Variants in SLC19A1 observed in about 807,000 individuals in gnomAD.
The protein encoded by SLC19A1 is reduced folate transporter.
SLC19A1 carries 37 observed loss-of-function variants against 35.3 expected under a neutral mutation model. The observed-to-expected ratio is 1.05, with a 90% CI of 0.81 to 1.38. SLC19A1 has a LOEUF of 1.38. SLC19A1 is among the 40% of genes most tolerant of loss of function. The probability of loss-of-function intolerance (pLI) is 0.00; values close to 1 mark genes in which losing one functional copy is unlikely to be tolerated. For synonymous variants in SLC19A1, 460 were observed against 398.5 expected (o/e 1.15, Z -1.84); for missense variants, 831 against 826.9 (o/e 1.00, Z -0.06).
At chr21:45,538,581 C>T (rs1485498205) in intron 1 of SLC19A1, among the ~76,000 whole-genome samples, 1 of 152,178 alleles carries the variant, frequency 6.6e-6, no homozygotes, top group Non-Finnish European at 1.5e-5. Context: ...CAGCCGCGTG[C>T]CCTGGCAGGA....
At position 45,531,595 on chromosome 21, in the gene SLC19A1, TC is replaced by T. The variant is rs1295202048; in HGVS notation, c.742del (p.Asp248ThrfsTer80). The T allele has an allele frequency of 2.6e-5, 42 of 1,612,010 alleles. No homozygotes were observed. The highest frequency in any genetic ancestry group is 3.4e-5 in the Non-Finnish European group (40 of 1,179,666). ...CCGCAGCATCCGCGCCAGCACTGAG[TC>T]CCCACAGGCCACCCGCAGGGCGTGT... ...LGHALRVACG[D>X]SVLARMLREL... On this transcript the variant is annotated frameshift_variant, in exon 3 of 6. Transcript: ENST00000311124. LOFTEE classifies it high-confidence loss of function.
chr21:45,534,266 T>TG lies in SLC19A1; in HGVS notation c.190-2119dup, dbSNP rs1372695430. The stretch of plus-strand genomic sequence containing the variant: ...TCTCCTGGCTGATGGCCTGCTCGAC[T>TG]GGGGGAGGCTCCTCCTCAGGGCCAG... On this transcript the variant is annotated intron_variant, in intron 2 of 5. Transcript: ENST00000311124. This position sits in a 1 kb window ranked among gnomAD's most constrained non-coding sequence, Gnocchi z 4.2. 2.0e-5 allele frequency among the ~76,000 whole-genome samples: 3 copies of TG among 152,102 alleles called. No homozygotes were observed. The highest frequency in any genetic ancestry group is 2.9e-5 in the Non-Finnish European group (2 of 68,000).
downstream of SLC19A1, among the ~76,000 whole-genome samples, chr21:45,508,280 G>A (rs924233228): frequency 6.7e-6 from 1 of 149,056 alleles, no homozygotes; most frequent in Non-Finnish European, 1.5e-5. Context: ...GGATGGGTAG[G>A]TAGATGGGGA....
Position 45,534,736 on chromosome 21 carries a change from C to A in SLC19A1, c.190-2588G>T. On this transcript the variant is annotated intron_variant, in intron 2 of 5. Coordinates refer to ENST00000311124, the MANE Select transcript of SLC19A1 (RefSeq NM_194255.4). This position sits in a 1 kb window ranked among gnomAD's most constrained non-coding sequence, Gnocchi z 4.2. Reference sequence around the variant, plus strand: ...CTCCCTCTTCCTCAGCCTTGGCAGGCAGACAGCAGGGAGGCTCTGCCCAGA... The same window carrying A: ...CTCCCTCTTCCTCAGCCTTGGCAGGAAGACAGCAGGGAGGCTCTGCCCAGA... 1.4e-6 allele frequency: 1 copy of A among 736,552 alleles called. No individual in the cohort carries two copies. The highest frequency in any genetic ancestry group is 2.2e-6 in the Non-Finnish European group (1 of 446,442). 45.6% of individuals were successfully genotyped at this position (736,552 alleles called of 1,614,324 possible).
At chr21:45,529,352 G>A (rs1159900275) in intron 4 of SLC19A1, among the ~76,000 whole-genome samples, 1 of 152,214 alleles carries the variant, frequency 6.6e-6, no homozygotes, top group East Asian at 1.9e-4. Flanking sequence ...AAACAGGCTC[G>A]TGACCAGCAT....
downstream of SLC19A1, among the ~76,000 whole-genome samples, chr21:45,510,946 C>CCCACACACACCCAT (rs149520091): frequency 1.7e-5 from 1 of 57,382 alleles, no homozygotes; most frequent in Non-Finnish European, 3.1e-5. Flanking sequence ...AAAACACACA[C>CCCACACACACCCAT]CCACAACACC....
At chr21:45,519,360 A>T (rs2077369080) in intron 5 of SLC19A1, among the ~76,000 whole-genome samples, 1 of 152,152 alleles carries the variant, frequency 6.6e-6, no homozygotes, top group Non-Finnish European at 1.5e-5. Flanking sequence ...TTAAATATAA[A>T]TGGTCTAAAT....
chr21:45,503,959 CG>C, intron 3 of SLC19A1: 1 of 1,608,470 alleles, frequency 6.2e-7, no homozygotes, highest in Non-Finnish European at 8.5e-7. Context: ...AGAGGGAACC[CG>C]GCGCTGTCAG....
upstream of SLC19A1, among the ~76,000 whole-genome samples, chr21:45,547,307 G>A (rs1354984583): frequency 1.3e-5 from 2 of 152,096 alleles, no homozygotes; most frequent in East Asian, 1.9e-4. Context: ...GCCCCCAACC[G>A]TCTGAACAGA....
Position 45,505,419 on chromosome 21 carries a change from C to T in SLC19A1, c.498-6807G>A, listed in dbSNP as rs375254978. On this transcript the variant is annotated intron_variant, in intron 3 of 4. Coordinates refer to the SLC19A1 transcript ENST00000417954. Reference sequence around the variant, plus strand: ...CCCCTGGGCCCCCTGGAACCATGGGCGCCTCCTCAGGGGTAAGTGTCTGGG... The same window carrying T: ...CCCCTGGGCCCCCTGGAACCATGGGTGCCTCCTCAGGGGTAAGTGTCTGGG... 194 of 1,556,280 alleles carry T rather than the reference C, an allele frequency of 1.2e-4. 1 individual carries two copies. The highest frequency in any genetic ancestry group is 4.3e-4 in the Admixed American group (24 of 56,260).
chr21:45,504,232 T>G (rs1602606793), intron 3 of SLC19A1: 1 of 906,474 alleles, frequency 1.1e-6, no homozygotes, highest in East Asian at 2.6e-5. Flanking sequence ...CCCGGCTCAG[T>G]TTTTGGGGGA....
downstream of SLC19A1, among the ~76,000 whole-genome samples, chr21:45,510,797 G>A (rs908693436): frequency 2.6e-5 from 4 of 152,082 alleles, no homozygotes; most frequent in African/African-American, 7.2e-5. Flanking sequence ...GGCGGCTGTG[G>A]CCTGGCGTTA....
In SLC19A1 at chr21:45,526,037, C is replaced by G. The variant is rs545133688; in HGVS notation, c.1152-79G>C. ...ACAGGGAAAAGCCTGCAGCCCGGCT[C>G]CCACCAGCCCATGACCCGCCCGGCA... On this transcript the variant is annotated intron_variant, in intron 4 of 5. Coordinates refer to ENST00000311124, the MANE Select transcript of SLC19A1 (RefSeq NM_194255.4). 11 of 1,509,492 alleles carry G rather than the reference C, an allele frequency of 7.3e-6. No individual in the cohort carries two copies. The South Asian group carries it at 1.2e-4, about 16-fold the overall frequency. The allele number at this position is 1,509,492 out of a possible 1,614,324, so 93.5% of individuals were successfully genotyped here.
At chr21:45,553,063 C>T (rs189370508) in intron 1 of SLC19A1, among the ~76,000 whole-genome samples, 111 of 152,206 alleles carry the variant, frequency 7.3e-4, no homozygotes, top group African/African-American at 2.3e-3. Flanking sequence ...AAGACTCCAC[C>T]GGGCGGCAGG....
intron 3 of SLC19A1, among the ~76,000 whole-genome samples, chr21:45,503,384 T>C (rs1234983811): frequency 6.6e-6 from 1 of 152,184 alleles, no homozygotes; most frequent in African/African-American, 2.4e-5. Flanking sequence ...GAGAAGTGTC[T>C]GTTCATGTCC....
chr21:45,546,496 G>A (rs573835150), upstream of SLC19A1, among the ~76,000 whole-genome samples: 1 of 152,332 alleles, frequency 6.6e-6, no homozygotes, highest in South Asian at 2.1e-4. Context: ...GCCCCTCCCA[G>A]TTGAGCCCTG....
intron 5 of SLC19A1, among the ~76,000 whole-genome samples, chr21:45,522,126 CAA>C (rs2077456155): frequency 6.6e-6 from 1 of 151,854 alleles, no homozygotes; most frequent in South Asian, 2.1e-4. Flanking sequence ...GCTTAAAACT[CAA>C]GAGTATAAAA....
chr21:45,555,183 CAGGGG>C (rs1569031858), intron 1 of SLC19A1, among the ~76,000 whole-genome samples: 973 of 32,504 alleles, frequency 0.03, 211 homozygotes, highest in Non-Finnish European at 0.036. Context: ...GGGGGCGGTG[CAGGGG>C]GCGGCGGGGG....
chr21:45,535,208 C>T (rs1029330595), intron 2 of SLC19A1, among the ~76,000 whole-genome samples: 1 of 152,214 alleles, frequency 6.6e-6, no homozygotes, highest in African/African-American at 2.4e-5. Context: ...CTGCAGCTCC[C>T]ACCACACAGC....
Sources: allele counts gnomAD v4.1 joint callset (sites outside exome capture counted in the v4.1 genomes callset), GRCh38; gene constraint gnomAD v4.1.1; non-coding constraint Gnocchi (gnomAD v3.1); transcripts MANE v1.5; gene names NCBI Gene and HGNC (gene_info 2026-07-23, HGNC 2026-07-21).